Variants in NEO1 observed in about 807,000 individuals in gnomAD.
NEO1 encodes the protein neogenin 1.
NEO1 carries 63 observed loss-of-function variants against 159.7 expected under a neutral mutation model. The ratio of observed to expected loss-of-function variants is 0.39; its 90% CI spans 0.32 to 0.49. The LOEUF (loss-of-function observed/expected upper bound fraction) is 0.49, where lower values mean the gene tolerates loss of function less well. Among genes scored for constraint, NEO1 ranks in the 20% least tolerant of loss-of-function variants. The pLI is 0.85. For synonymous variants in NEO1, 633 were observed against 662.0 expected, an observed-to-expected ratio of 0.96 and a Z score of 0.67; for missense variants, 1,615 against 1,831.0, an observed-to-expected ratio of 0.88 and a Z score of 2.15.
At chr15:73,215,401 T>C (rs1033901972) in intron 7 of NEO1, among the ~76,000 whole-genome samples, 2 of 152,210 alleles carry the variant, frequency 1.3e-5, no homozygotes, top group African/African-American at 4.8e-5. Context: ...TTCAGTATTA[T>C]ATTGGCTGTG....
chr15:73,085,027 G>T (rs753157307), intron 1 of NEO1, among the ~76,000 whole-genome samples: 3 of 152,138 alleles, frequency 2.0e-5, no homozygotes, highest in Non-Finnish European at 4.4e-5. Flanking sequence ...AGGAAATATG[G>T]ATGATGAGGA....
chr15:73,098,469 G>A (rs994031188), intron 1 of NEO1, among the ~76,000 whole-genome samples: 3 of 152,028 alleles, frequency 2.0e-5, no homozygotes, highest in African/African-American at 7.3e-5. Context: ...ATATATATGT[G>A]TGTGTGTTAA....
At chr15:73,151,441 CTAT>C (rs2033361742) in intron 5 of NEO1, among the ~76,000 whole-genome samples, 1 of 152,026 alleles carries the variant, frequency 6.6e-6, no homozygotes, top group South Asian at 2.1e-4. Context: ...TTGATTTTAG[CTAT>C]TATTTATTTG....
intron 15 of NEO1, among the ~76,000 whole-genome samples, chr15:73,262,183 A>G (rs183048674): frequency 2.6e-4 from 40 of 152,322 alleles, no homozygotes; most frequent in Admixed American, 2.5e-3. Context: ...GTAGGAAAAA[A>G]TCTTTATGAC....
chr15:73,064,122 A>C (rs190773392), intron 1 of NEO1, among the ~76,000 whole-genome samples: 19 of 152,302 alleles, frequency 1.2e-4, no homozygotes, highest in Admixed American at 1.1e-3. Context: ...GTTACAGTTA[A>C]GTAGAGGCAT....
chr15:73,065,941 C>T (rs142077778), intron 1 of NEO1, among the ~76,000 whole-genome samples: 2 of 152,004 alleles, frequency 1.3e-5, no homozygotes, highest in African/African-American at 4.8e-5. Context: ...ACTTTACATT[C>T]TGATTAGAGG....
In NEO1 at chr15:73,080,004, T is replaced by C. The variant is rs375976219; in HGVS notation, c.130+27199T>C. Reference sequence around the variant, plus strand: ...TTGAGAATTGTTTTTTCTCTCTCTTTTTGTTTGTCAGGGAAGAAAAGTGAG... The same window carrying C: ...TTGAGAATTGTTTTTTCTCTCTCTTCTTGTTTGTCAGGGAAGAAAAGTGAG... On this transcript the variant is annotated intron_variant, in intron 1 of 28. Transcript: ENST00000261908. Among the ~76,000 whole-genome samples, 20 of 152,288 alleles carry C rather than the reference T, an allele frequency of 1.3e-4. No homozygotes were observed. The South Asian group carries it at 4.1e-3, about 32-fold the overall frequency.
chr15:73,254,753 C>T lies in NEO1; in HGVS notation c.2016C>T (p.Arg672=), dbSNP rs758035720. The T allele has an allele frequency of 3.7e-6, 6 of 1,614,156 alleles. No individual in the cohort carries two copies. Among genetic ancestry groups the T allele is most frequent in the Non-Finnish European group, 5.1e-6 (6 of 1,179,988 alleles). The part of the protein sequence containing the change: ...QNGQITGYKI[R]YRKASRKSDV... ...GGCAGATTACTGGCTACAAGATTCGCTACCGAAAGGCCTCCCGAAAGAGTG... is the reference window on the plus strand; with the variant it reads ...GGCAGATTACTGGCTACAAGATTCGTTACCGAAAGGCCTCCCGAAAGAGTG... The change falls in exon 13 of 29, where the codon CGC becomes CGT. Residue 672 remains arginine, a synonymous_variant. Coordinates refer to ENST00000261908, the MANE Select transcript of NEO1 (RefSeq NM_002499.4).
chr15:73,166,420 G>A (rs973272835), intron 5 of NEO1, among the ~76,000 whole-genome samples: 1 of 152,176 alleles, frequency 6.6e-6, no homozygotes, highest in Non-Finnish European at 1.5e-5. Context: ...TTGGATTGCT[G>A]CAAAGAGAAA....
intron 9 of NEO1, among the ~76,000 whole-genome samples, chr15:73,247,773 A>G (rs1230528475): frequency 6.6e-6 from 1 of 152,230 alleles, no homozygotes; most frequent in Non-Finnish European, 1.5e-5. Context: ...AAGTGTAGGC[A>G]TAGACAGCCA....
At chr15:73,188,890 C>T (rs1382728451) in intron 7 of NEO1, among the ~76,000 whole-genome samples, 1 of 152,006 alleles carries the variant, frequency 6.6e-6, no homozygotes, top group Admixed American at 6.6e-5. Context: ...CCCAAAACTT[C>T]AAGACTTGCC....
chr15:73,065,579 C>G (rs1427851432), intron 1 of NEO1, among the ~76,000 whole-genome samples: 2 of 150,994 alleles, frequency 1.3e-5, no homozygotes. Flanking sequence ...TCTTATTTTT[C>G]TTCTTTTGTG....
At chr15:73,170,392 T>C (rs1420250947) in intron 5 of NEO1, among the ~76,000 whole-genome samples, 1 of 152,128 alleles carries the variant, frequency 6.6e-6, no homozygotes, top group Non-Finnish European at 1.5e-5. Context: ...ATTGAAAATA[T>C]CAGTAGGAAA....
In NEO1 at chr15:73,122,096, CACATTATATATATT is replaced by C. The variant is rs1172123024; in HGVS notation, c.449-427_449-414del. On this transcript the variant is annotated intron_variant, in intron 2 of 28. Transcript: ENST00000261908. The stretch of plus-strand genomic sequence containing the variant: ...ATATATATATATATATATATATATA[CACATTATATATATT>C]ATATATATGTATAGCAATGAATAAA... Among the ~76,000 whole-genome samples, 10 of 92,674 alleles carry C rather than the reference CACATTATATATATT, an allele frequency of 1.1e-4. 1 individual carries two copies. The highest frequency in any genetic ancestry group is 4.2e-4 in the African/African-American group (10 of 24,046). The allele number at this position is 92,674 out of a possible 152,430, so 60.8% of individuals were successfully genotyped here.
At chr15:73,254,582 G>A in intron 12 of NEO1, 100 bp from the exon 13 acceptor site, 1 of 1,288,296 alleles carries the variant, frequency 7.8e-7, no homozygotes, top group East Asian at 2.4e-5. Flanking sequence ...CTGCCTCTAT[G>A]TTTTTTCTCT....
intron 5 of NEO1, among the ~76,000 whole-genome samples, chr15:73,170,720 A>G (rs1340271891): frequency 2.0e-5 from 3 of 152,216 alleles, no homozygotes; most frequent in African/African-American, 7.2e-5. Context: ...ACGTAAGTGA[A>G]GGGAAAAAGT....
At chr15:73,157,872 C>G (rs1458966191) in intron 5 of NEO1, among the ~76,000 whole-genome samples, 2 of 151,876 alleles carry the variant, frequency 1.3e-5, no homozygotes, top group Admixed American at 1.3e-4. Context: ...TACTGTTTCC[C>G]TTGTTGATAT....
At chr15:73,057,966 T>G (rs2067792998) in intron 1 of NEO1, among the ~76,000 whole-genome samples, 1 of 152,224 alleles carries the variant, frequency 6.6e-6, no homozygotes, top group Non-Finnish European at 1.5e-5. Context: ...AATTCCATTT[T>G]TGAAACCCAT....
intron 7 of NEO1, among the ~76,000 whole-genome samples, chr15:73,184,645 A>G (rs1210773130): frequency 6.6e-6 from 1 of 152,244 alleles, no homozygotes; most frequent in Non-Finnish European, 1.5e-5. Context: ...ATGACCTACC[A>G]GGCCAGGTGC....
Sources: gnomAD v4.1 joint callset for allele counts (sites outside exome capture counted in the v4.1 genomes callset) on GRCh38, gnomAD v4.1.1 for gene constraint, MANE v1.5 for transcripts, NCBI Gene and HGNC (gene_info 2026-07-23, HGNC 2026-07-21) for gene names.